Variants in SPPL2B observed in about 807,000 individuals in gnomAD.
SPPL2B encodes the protein signal peptide peptidase-like 2B.
A neutral mutation model predicts 59.7 loss-of-function variants in SPPL2B; 39 were observed. The ratio of observed to expected loss-of-function variants is 0.65; its 90% CI spans 0.51 to 0.85. The LOEUF (loss-of-function observed/expected upper bound fraction) is 0.85. SPPL2B is among the 40% of genes least tolerant of loss of function. The probability of loss-of-function intolerance (pLI) is 0.00; values close to 1 mark genes in which losing one functional copy is unlikely to be tolerated. For missense variants in SPPL2B, 865 were observed against 849.0 expected (o/e 1.02, Z -0.23); for synonymous variants, 419 against 370.8 (o/e 1.13, Z -1.49).
chr19:2,350,312 A>C (rs1401610586), intron 13 of SPPL2B, among the ~76,000 whole-genome samples: 2 of 67,352 alleles, frequency 3.0e-5, no homozygotes, highest in African/African-American at 6.3e-5. Context: ...CATTCGCTTG[A>C]CTCCGTTCTC....
intron 1 of SPPL2B, among the ~76,000 whole-genome samples, chr19:2,333,593 C>T (rs888925550): frequency 2.0e-5 from 3 of 152,232 alleles, no homozygotes; most frequent in African/African-American, 4.8e-5. Context: ...GCGTCCAGGG[C>T]TTTGGGGCCT....
chr19:2,330,457 C>G (rs189839076), intron 1 of SPPL2B: 4 of 152,106 alleles, frequency 2.6e-5, no homozygotes, highest in African/African-American at 9.7e-5. Flanking sequence ...TTTGCCGGGT[C>G]GGCAGGAGGG....
In SPPL2B at chr19:2,343,909, G is replaced by A. The variant is rs776578697; in HGVS notation, c.1039-56G>A. The A allele has an allele frequency of 3.0e-5, 40 of 1,342,028 alleles. No individual in the cohort carries two copies. The Middle Eastern group carries it at 1.0e-3, about 34-fold the overall frequency. 83.1% of individuals were successfully genotyped at this position (1,342,028 alleles called of 1,614,324 possible). A position where few individuals can be genotyped will look rare whatever the true frequency, so the allele number is the denominator to read the frequency against. On this transcript the variant is annotated intron_variant, in intron 9 of 14. Coordinates refer to ENST00000613503, the MANE Select transcript of SPPL2B (RefSeq NM_152988.3). ...AGGAGGCGCTGGGCCTCATGAGATG[G>A]GAGTGGGGGAGGCACGGGCCGGGGT... is the stretch of plus-strand genomic sequence containing the variant.
At chr19:2,333,659 C>T (rs1383679344) in intron 1 of SPPL2B, among the ~76,000 whole-genome samples, 3 of 152,248 alleles carry the variant, frequency 2.0e-5, no homozygotes, top group Non-Finnish European at 4.4e-5. Context: ...CCCGTTCTGT[C>T]CTGGGCGCGG....
chr19:2,350,288 C>T (rs1482312406), intron 13 of SPPL2B, among the ~76,000 whole-genome samples: 1 of 149,390 alleles, frequency 6.7e-6, no homozygotes, highest in African/African-American at 2.5e-5. Flanking sequence ...TCTCTCCACA[C>T]ACTCACGCGC....
At chr19:2,341,834 C>T (rs188386131) in intron 8 of SPPL2B, 5 of 337,814 alleles carry the variant, frequency 1.5e-5, no homozygotes, top group East Asian at 1.7e-4. Flanking sequence ...CGCAGGGGCT[C>T]ACGCCTGGGA....
In SPPL2B at chr19:2,334,689, T is replaced by C; in HGVS notation, c.154T>C (p.Trp52Arg). Residue 52 changes from tryptophan (W) to arginine (R), a missense_variant, in exon 2 of 15, where the codon TGG (tryptophan) becomes CGG (arginine). Trp to Arg is a moderately radical substitution (Grantham distance 101). Coordinates refer to ENST00000613503, the MANE Select transcript of SPPL2B (RefSeq NM_152988.3). Reference sequence around the variant, plus strand: ...CTACTGCATCCTCTACAACCCGCAGTGGGCCCATCTTCCGCACGACCTCAG... The same window carrying C: ...CTACTGCATCCTCTACAACCCGCAGCGGGCCCATCTTCCGCACGACCTCAG... The part of the protein sequence containing the change: ...KDYCILYNPQ[W>R]AHLPHDLSKA... 1 of 1,611,950 alleles carries C rather than the reference T, an allele frequency of 6.2e-7. No individual in the cohort carries two copies. The highest frequency in any genetic ancestry group is 8.5e-7 in the Non-Finnish European group (1 of 1,178,906).
At position 2,339,182 on chromosome 19, in the gene SPPL2B, C is replaced by T. The variant is rs1371374232; in HGVS notation, c.573C>T (p.Tyr191=). The T allele has an allele frequency of 1.2e-6, 2 of 1,603,860 alleles. No individual in the cohort carries two copies. Among genetic ancestry groups the T allele is most frequent in the East Asian group, 4.5e-5 (2 of 44,398 alleles). ...MAVGTVAIGG[Y]WAGSRDVKKR... ...TGGGCACCGTCGCCATCGGCGGCTA[C>T]TGGGCCGGGAGTCGGGACGTGAAGA... is the stretch of plus-strand genomic sequence containing the variant. Residue 191 remains tyrosine (Y), a synonymous_variant, in exon 5 of 15, where the codon TAC becomes TAT. Coordinates refer to ENST00000613503, the MANE Select transcript of SPPL2B (RefSeq NM_152988.3).
At chr19:2,338,913 G>A in intron 4 of SPPL2B, 72 bp downstream of exon 4, 1 of 1,538,972 alleles carries the variant, frequency 6.5e-7, no homozygotes, top group Non-Finnish European at 8.9e-7. Context: ...GCTGCCGGGG[G>A]GGTTTGTGCC....
intron 1 of SPPL2B, among the ~76,000 whole-genome samples, chr19:2,333,970 C>T (rs991348168): frequency 6.6e-6 from 1 of 152,236 alleles, no homozygotes; most frequent in African/African-American, 2.4e-5. Flanking sequence ...GACCCGGTGC[C>T]CGTAGGCCCC....
chr19:2,344,442 A>G lies in SPPL2B; in HGVS notation c.1176+18A>G. ...GTGAGAAGGTGTGTCTTCTGACTGC[A>G]GGGTCTCAGGTTGCCATGGGTCAAG... On this transcript the variant is annotated intron_variant, in intron 11 of 14. Transcript: ENST00000613503. 1.9e-6 allele frequency: 3 copies of G among 1,570,078 alleles called. No homozygotes were observed. Among genetic ancestry groups the G allele is most frequent in the African/African-American group, 2.7e-5 (2 of 73,312 alleles).
In SPPL2B at chr19:2,337,631, G is replaced by A; in HGVS notation, c.369+6G>A. ...TCGTCAGCAGGGAGAGGCTGGTACG[G>A]CCCTGTGCGTCCCCCGCTGGGCCAG... On this transcript the variant is annotated splice_donor_region_variant and intron_variant, in intron 3 of 14. Transcript: ENST00000613503. The A allele has an allele frequency of 6.4e-7, 1 of 1,551,288 alleles. No homozygotes were observed. The highest frequency in any genetic ancestry group is 8.7e-7 in the Non-Finnish European group (1 of 1,147,224).
chr19:2,340,479 C>T, intron 7 of SPPL2B: 1 of 608,812 alleles, frequency 1.6e-6, no homozygotes, highest in East Asian at 3.3e-5. Context: ...CAGAAGGTTC[C>T]CCACAGCCCA....
chr19:2,352,930 C>T lies in SPPL2B; in HGVS notation c.1516-16C>T, dbSNP rs531610148. 7 of 1,611,880 alleles carry T rather than the reference C, an allele frequency of 4.3e-6. No individual in the cohort carries two copies. In the Admixed American group the frequency reaches 8.3e-5, roughly 19 times the overall value. On this transcript the variant is annotated splice_polypyrimidine_tract_variant and intron_variant, in intron 14 of 14. Transcript: ENST00000613503. ...GTCCCTGTCTCCGCCTCACCTCTGC[C>T]TCCCTTCTCCTGTAGAAAGTCCTAC...
Position 2,339,872 on chromosome 19 carries a change from C to T in SPPL2B, c.648C>T (p.Asp216=), listed in dbSNP as rs370537379. 419 of 1,601,940 alleles carry T rather than the reference C, an allele frequency of 2.6e-4. 2 individuals are homozygous for T. Among genetic ancestry groups the T allele is most frequent in the Non-Finnish European group, 3.3e-4 (390 of 1,174,324 alleles). ...KRDDGPEKQE[D]EAVDVTPVMT... is the part of the protein sequence containing the mutation. ...ACGATGGGCCCGAGAAGCAGGAGGA[C>T]GAGGCGGTGGACGTGACGCCGGTGA... The change falls in exon 6 of 15, where the codon GAC becomes GAT. Residue 216 remains aspartate, a synonymous_variant. Transcript: ENST00000613503.
chr19:2,335,526 T>C (rs116703616), intron 2 of SPPL2B, among the ~76,000 whole-genome samples: 8,005 of 51,624 alleles, frequency 0.16, 321 homozygotes, highest in Middle Eastern at 0.25. Context: ...GCCTCCTTTC[T>C]CACTTCATCC....
At chr19:2,330,095 G>A (rs1387467099) in intron 1 of SPPL2B, among the ~76,000 whole-genome samples, 2 of 149,676 alleles carry the variant, frequency 1.3e-5, no homozygotes, top group Non-Finnish European at 3.0e-5. Flanking sequence ...GCCTGGGAAG[G>A]CTTTTCCGAA....
At chr19:2,336,233 CTG>C (rs2145149875) in intron 2 of SPPL2B, among the ~76,000 whole-genome samples, 1 of 151,934 alleles carries the variant, frequency 6.6e-6, no homozygotes, top group South Asian at 2.1e-4. Flanking sequence ...GCACATGTGC[CTG>C]TGAGTGTGCA....
intron 13 of SPPL2B, among the ~76,000 whole-genome samples, chr19:2,348,194 T>G (rs1156295353): frequency 8.8e-6 from 1 of 113,616 alleles, no homozygotes; most frequent in Admixed American, 9.2e-5. Context: ...ATTCGCTTGA[T>G]TCCGTTCTCT....
Sources: gnomAD v4.1 joint callset for allele counts (sites outside exome capture counted in the v4.1 genomes callset) on GRCh38, gnomAD v4.1.1 for gene constraint, MANE v1.5 for transcripts, NCBI Gene and HGNC (gene_info 2026-07-23, HGNC 2026-07-21) for gene names.